Variants in PTCH1 observed in about 807,000 individuals in gnomAD.
PTCH1 encodes protein patched homolog 1.
PTCH1 carries 14 observed loss-of-function variants against 144.6 expected under a neutral mutation model. The observed-to-expected ratio is 0.10, with a 90% CI of 0.06 to 0.15. The LOEUF (loss-of-function observed/expected upper bound fraction) is 0.15. Ranked by LOEUF, PTCH1 falls within the 10% of genes least tolerant of loss-of-function variation. The pLI, the probability that PTCH1 is intolerant of heterozygous loss-of-function variation, is 1.00. For missense variants in PTCH1, 1,623 were observed against 1,948.3 expected, an observed-to-expected ratio of 0.83 and a Z score of 3.14; for synonymous variants, 833 against 793.6, an observed-to-expected ratio of 1.05 and a Z score of -0.83.
In PTCH1 at chr9:95,476,723, T is replaced by C. The variant is rs1841066293; in HGVS notation, c.1602+36A>G. Reference sequence around the variant, plus strand: ...TACTTAGGAACAGAGGAAGCTGTGATGTCCCCAAAGCTCTCTTCTTTTGTT... The same window carrying C: ...TACTTAGGAACAGAGGAAGCTGTGACGTCCCCAAAGCTCTCTTCTTTTGTT... On this transcript the variant is annotated intron_variant, in intron 11 of 23. Coordinates refer to ENST00000331920, the MANE Select transcript of PTCH1 (RefSeq NM_000264.5). This position sits in a 1 kb window ranked among gnomAD's most constrained non-coding sequence, Gnocchi z 4.6. The C allele has an allele frequency of 6.4e-7, 1 of 1,561,782 alleles. No individual in the cohort carries two copies. The highest frequency in any genetic ancestry group is 8.8e-7 in the Non-Finnish European group (1 of 1,136,584).
intron 2 of PTCH1, among the ~76,000 whole-genome samples, chr9:95,499,826 CA>C (rs1843027458): frequency 1.3e-5 from 2 of 152,194 alleles, no homozygotes; most frequent in African/African-American, 2.4e-5. Flanking sequence ...GAACACTCAT[CA>C]GGGGCTAAAT....
intron 3 of PTCH1, chr9:95,483,990 G>C (rs1176841474): frequency 6.6e-6 from 1 of 152,204 alleles, no homozygotes; most frequent in African/African-American, 2.4e-5. Flanking sequence ...GCTCTAATTA[G>C]TCTAATTCCC....
chr9:95,469,909 T>C lies in PTCH1; in HGVS notation c.1751A>G (p.Asn584Ser). Residue 584 changes from asparagine to serine, a missense_variant, in exon 13 of 24, where the codon AAT (asparagine) becomes AGT (serine). Coordinates refer to ENST00000331920, the MANE Select transcript of PTCH1 (RefSeq NM_000264.5). Reference sequence around the variant, plus strand: ...AAAAATGAGCAGAACCATGGCAAAATTGAACACCACTACTACCGCTGCCTG... The same window carrying C: ...AAAAATGAGCAGAACCATGGCAAAACTGAACACCACTACTACCGCTGCCTG... ...SLQAAVVVVF[N>S]FAMVLLIFPA... 6.2e-7 allele frequency: 1 copy of C among 1,613,972 alleles called. No individual in the cohort carries two copies.
intron 2 of PTCH1, among the ~76,000 whole-genome samples, chr9:95,502,315 G>A (rs1843202929): frequency 6.6e-6 from 1 of 152,238 alleles, no homozygotes; most frequent in African/African-American, 2.4e-5. Flanking sequence ...CCTGCTGAAT[G>A]TTTGGATGGA....
At chr9:95,516,950 C>T in exon 1 of PTCH1, 1 of 727,466 alleles carries the variant, frequency 1.4e-6, no homozygotes, top group Non-Finnish European at 2.1e-6. Flanking sequence ...GTGCTATCAG[C>T]ACAGCCCTCC....
chr9:95,463,405 C>T (rs1033876150), intron 15 of PTCH1, among the ~76,000 whole-genome samples: 13 of 152,090 alleles, frequency 8.5e-5, no homozygotes, highest in African/African-American at 2.9e-4. Flanking sequence ...GTGGGCCGTG[C>T]ACCTCTCAGA....
chr9:95,471,490 A>G (rs1840577621), intron 12 of PTCH1, among the ~76,000 whole-genome samples: 1 of 152,260 alleles, frequency 6.6e-6, no homozygotes, highest in African/African-American at 2.4e-5. Context: ...CCACTGTGAC[A>G]AGAGAATTTA....
chr9:95,511,883 A>G (rs1372873710), upstream of PTCH1, among the ~76,000 whole-genome samples: 1 of 152,206 alleles, frequency 6.6e-6, no homozygotes, highest in Non-Finnish European at 1.5e-5. Flanking sequence ...TAGCCTTTTT[A>G]TATTTCAAGC....
chr9:95,482,448 T>C, intron 3 of PTCH1: 1 of 552,628 alleles, frequency 1.8e-6, no homozygotes, highest in Non-Finnish European at 3.2e-6. Context: ...TTGAAAAGTC[T>C]TGTTTTCTTA....
Position 95,476,028 on chromosome 9 carries a change from G to T in PTCH1, c.1728+6C>A, listed in dbSNP as rs761805788. On this transcript the variant is annotated splice_donor_region_variant and intron_variant, in intron 12 of 23. Coordinates refer to ENST00000331920, the MANE Select transcript of PTCH1 (RefSeq NM_000264.5). This position sits in a 1 kb window ranked among gnomAD's most constrained non-coding sequence, Gnocchi z 4.6. ...ATCACCACAGCCTTCATCACCAGAA[G>T]CTCACCTGGAGGGAGAACGCCCGCA... The T allele has an allele frequency of 1.2e-6, 2 of 1,613,636 alleles. No homozygotes were observed. Among genetic ancestry groups the T allele is most frequent in the Non-Finnish European group, 1.7e-6 (2 of 1,180,044 alleles).
Position 95,485,892 on chromosome 9 carries a change from G to A in PTCH1, c.395-18C>T, listed in dbSNP as rs749677592. ...TCCTCCAACTGACAAATATGTACAGGTTTAATTAGAATAGCAAAATCACTG... is the reference window on the plus strand; with the variant it reads ...TCCTCCAACTGACAAATATGTACAGATTTAATTAGAATAGCAAAATCACTG... On this transcript the variant is annotated intron_variant, in intron 2 of 23. Coordinates refer to ENST00000331920, the MANE Select transcript of PTCH1 (RefSeq NM_000264.5). 10 of 1,613,856 alleles carry A rather than the reference G, an allele frequency of 6.2e-6. No homozygotes were observed. The South Asian group carries it at 1.1e-4, about 18-fold the overall frequency.
intron 5 of PTCH1, among the ~76,000 whole-genome samples, chr9:95,481,207 A>T (rs1038823000): frequency 6.6e-6 from 1 of 152,220 alleles, no homozygotes; most frequent in Non-Finnish European, 1.5e-5. Flanking sequence ...CTGCTTAACC[A>T]GGCTGAAGTC....
At chr9:95,515,693 C>A (rs1174261587) in intron 1 of PTCH1, among the ~76,000 whole-genome samples, 1 of 152,162 alleles carries the variant, frequency 6.6e-6, no homozygotes, top group Non-Finnish European at 1.5e-5. Flanking sequence ...CTGGGCTGGT[C>A]GCCCATCTCT....
intron 12 of PTCH1, among the ~76,000 whole-genome samples, chr9:95,472,912 G>A (rs1377416690): frequency 6.6e-6 from 1 of 152,214 alleles, no homozygotes. Flanking sequence ...GTAAACCAGA[G>A]AAGATGATGG....
chr9:95,490,556 C>CACACAAAA (rs745936852), intron 2 of PTCH1, among the ~76,000 whole-genome samples: 1 of 141,056 alleles, frequency 7.1e-6, no homozygotes, highest in African/African-American at 2.6e-5. Context: ...CACACACACA[C>CACACAAAA]AAAAGAAAGA....
At chr9:95,489,465 T>C (rs1294911466) in intron 2 of PTCH1, among the ~76,000 whole-genome samples, 3 of 151,780 alleles carry the variant, frequency 2.0e-5, no homozygotes, top group African/African-American at 7.3e-5. Context: ...CCTCCTCCCC[T>C]AATACCCCAG....
chr9:95,516,598 C>T (rs1305163610), exon 1 of PTCH1: 1 of 1,596,098 alleles, frequency 6.3e-7, no homozygotes. Context: ...CGTCTTCTCC[C>T]AGTCTTCCCT....
chr9:95,505,856 C>T (rs1393553995), intron 2 of PTCH1, among the ~76,000 whole-genome samples: 4 of 149,584 alleles, frequency 2.7e-5, no homozygotes, highest in East Asian at 1.9e-4. Context: ...CCACACACGC[C>T]GCCGCCTCCG....
chr9:95,459,501 C>T (rs1273545482), intron 17 of PTCH1, 99 bp downstream of exon 17: 8 of 1,424,850 alleles, frequency 5.6e-6, no homozygotes, highest in African/African-American at 1.4e-5. Context: ...CACTTCTGAA[C>T]CCTGGGTAGC....
Sources: gnomAD v4.1 joint callset for allele counts (sites outside exome capture counted in the v4.1 genomes callset) on GRCh38, gnomAD v4.1.1 for gene constraint, Gnocchi (gnomAD v3.1) non-coding constraint, MANE v1.5 for transcripts, NCBI Gene and HGNC (gene_info 2026-07-23, HGNC 2026-07-21) for gene names.